ERCC5: variants seen among roughly 807,000 people sequenced by gnomAD.
ERCC5 encodes ERCC excision repair 5, endonuclease.
ERCC5 carries 68 observed loss-of-function variants against 105.6 expected under a neutral mutation model. The ratio of observed to expected loss-of-function variants is 0.64; its 90% CI spans 0.53 to 0.79. The LOEUF (loss-of-function observed/expected upper bound fraction) is 0.79, where lower values mean the gene tolerates loss of function less well. Among genes scored for constraint, ERCC5 ranks in the 30% least tolerant of loss-of-function variants. ERCC5 has a pLI of 0.00. For synonymous variants in ERCC5, 546 were observed against 526.2 expected (o/e 1.04, Z -0.51); for missense variants, 1,373 against 1,426.7 (o/e 0.96, Z 0.61).
intron 1 of ERCC5, among the ~76,000 whole-genome samples, chr13:102,850,000 G>A (rs184414547): frequency 1.8e-4 from 28 of 151,390 alleles, no homozygotes; most frequent in African/African-American, 6.8e-4. Context: ...CGAGTGCAGT[G>A]GCGTGATCTT....
chr13:102,852,013 A>T, intron 1 of ERCC5, 105 bp from the exon 2 acceptor site: 1 of 1,262,078 alleles, frequency 7.9e-7, no homozygotes, highest in South Asian at 1.3e-5. Context: ...GAATAGTGAT[A>T]AGTATTTAGT....
Position 102,875,726 on chromosome 13 carries a change from T to C in ERCC5, c.3384T>C (p.Asp1128=). 6.2e-7 allele frequency: 1 copy of C among 1,614,134 alleles called. No individual in the cohort carries two copies. Among genetic ancestry groups the C allele is most frequent in the Non-Finnish European group, 8.5e-7 (1 of 1,180,024 alleles). ...AAKEPKTSAS[D]SQNSVKEAPV... is the part of the protein sequence containing the mutation. Reference sequence around the variant, plus strand: ...AAGAGCCAAAAACCAGTGCTTCAGATTCGCAGAACTCAGTGAAGGAAGCTC... The same window carrying C: ...AAGAGCCAAAAACCAGTGCTTCAGACTCGCAGAACTCAGTGAAGGAAGCTC... Residue 1128 remains aspartate (D), a synonymous_variant, in exon 15 of 15, where the codon GAT becomes GAC. Transcript: ENST00000652225.
At chr13:102,849,013 A>G (rs1882089770) in intron 1 of ERCC5, 1 of 401,090 alleles carries the variant, frequency 2.5e-6, no homozygotes, top group African/African-American at 2.1e-5. Flanking sequence ...GATGAGAGCC[A>G]CTGATCTGAA....
chr13:102,862,732 C>G lies in ERCC5; in HGVS notation c.1583C>G (p.Thr528Ser), dbSNP rs761577345. Reference protein sequence around the residue: ...NGRELTPASPTCTNSVSKNET... With the variant: ...NGRELTPASPSCTNSVSKNET... Reference sequence around the variant, plus strand: ...AGGGAACTGACACCGGCATCTCCAACTTGTACAAATTCTGTGTCAAAGAAT... The same window carrying G: ...AGGGAACTGACACCGGCATCTCCAAGTTGTACAAATTCTGTGTCAAAGAAT... Residue 528 changes from threonine to serine, a missense_variant, in exon 8 of 15, where the codon ACT (threonine) becomes AGT (serine). This residue lies in a region of ERCC5 where 1,004 missense variants were observed against 1,059.7 expected (regional missense o/e 0.95). Transcript: ENST00000652225. 4 of 1,614,114 alleles carry G rather than the reference C, an allele frequency of 2.5e-6. No homozygotes were observed. Among genetic ancestry groups the G allele is most frequent in the Non-Finnish European group, 3.4e-6 (4 of 1,180,044 alleles).
In ERCC5 at chr13:102,875,700, A is replaced by C. The variant is rs762226230; in HGVS notation, c.3358A>C (p.Lys1120Gln). 1 of 1,614,222 alleles carries C rather than the reference A, an allele frequency of 6.2e-7. No homozygotes were observed. The highest frequency in any genetic ancestry group is 8.5e-7 in the Non-Finnish European group (1 of 1,180,032). The change falls in exon 15 of 15, where the codon AAA (lysine) becomes CAA (glutamine). Residue 1120 changes from lysine (K) to glutamine (Q), a missense_variant. By Grantham distance (53) the Lys-to-Gln change is moderately conservative (BLOSUM62 1). Coordinates refer to ENST00000652225, the MANE Select transcript of ERCC5 (RefSeq NM_000123.4). ...GAATGTACAAAGGAGAACAGCTGCGAAAGAGCCAAAAACCAGTGCTTCAGA... is the reference window on the plus strand; with the variant it reads ...GAATGTACAAAGGAGAACAGCTGCGCAAGAGCCAAAAACCAGTGCTTCAGA... Reference protein sequence around the residue: ...LMNVQRRTAAKEPKTSASDSQ... With the variant: ...LMNVQRRTAAQEPKTSASDSQ...
At chr13:102,863,170 C>T (rs945899226) in intron 8 of ERCC5, 67 bp downstream of exon 8, 21 of 1,548,554 alleles carry the variant, frequency 1.4e-5, no homozygotes, top group Admixed American at 5.3e-5. Flanking sequence ...ATTCAGAGAT[C>T]GGTTAGTGTA....
At chr13:102,863,977 A>G (rs545270368) in intron 8 of ERCC5, among the ~76,000 whole-genome samples, 2 of 152,258 alleles carry the variant, frequency 1.3e-5, no homozygotes, top group South Asian at 2.1e-4. Flanking sequence ...GATTTAAGAT[A>G]ATATATATGA....
intron 14 of ERCC5, 145 bp downstream of exon 14, chr13:102,873,488 TAGAAAA>T (rs1883099448): frequency 2.1e-6 from 2 of 951,920 alleles, no homozygotes; most frequent in Non-Finnish European, 3.2e-6. Flanking sequence ...TAGAAGAAAA[TAGAAAA>T]AGAAAAGTTA....
rs935025421 is a variant in ERCC5, at chr13:102,846,246, C to T, written c.-21C>T. The T allele has an allele frequency of 1.6e-5, 25 of 1,606,748 alleles. No homozygotes were observed. Among genetic ancestry groups the T allele is most frequent in the Non-Finnish European group, 2.1e-5 (25 of 1,175,286 alleles). ...TTAGAGTAGAAGTTGTCGGGGTCCG[C>T]TCTTAGGACGCAGCCGCCTCATGGG... On this transcript the variant is annotated 5_prime_UTR_variant, in exon 1 of 15. Transcript: ENST00000652225.
intron 5 of ERCC5, among the ~76,000 whole-genome samples, chr13:102,857,914 C>T (rs1168401123): frequency 2.0e-5 from 3 of 151,972 alleles, no homozygotes; most frequent in Non-Finnish European, 2.9e-5. Flanking sequence ...TTTATTTTAC[C>T]ATTATCTTGT....
At chr13:102,849,233 T>C (rs1313808676) in intron 1 of ERCC5, 1 of 518,714 alleles carries the variant, frequency 1.9e-6, no homozygotes, top group Non-Finnish European at 3.8e-6. Flanking sequence ...TCTCCACCAC[T>C]ACTGTCTGCG....
At chr13:102,848,323 C>G (rs925866695) in intron 1 of ERCC5, among the ~76,000 whole-genome samples, 1 of 152,110 alleles carries the variant, frequency 6.6e-6, no homozygotes, top group Admixed American at 6.5e-5. Flanking sequence ...GACAAACTTA[C>G]CCGTTATTAT....
chr13:102,846,435 G>A, intron 1 of ERCC5, 81 bp downstream of exon 1: 2 of 1,206,764 alleles, frequency 1.7e-6, no homozygotes, highest in Non-Finnish European at 2.4e-6. Context: ...TGGGCACAGT[G>A]GCATCTGCAG....
rs1338259523 is a variant in ERCC5, at chr13:102,862,956, G to A, written c.1807G>A (p.Val603Met). The change falls in exon 8 of 15, where the codon GTG (valine) becomes ATG (methionine). Residue 603 changes from valine (V) to methionine (M), a missense_variant. Val to Met is a conservative substitution (Grantham distance 21, BLOSUM62 1). Transcript: ENST00000652225. ...PSEAVDNVEN[V>M]VSFNAKEHEN... ...AGAGGCAGTAGATAATGTGGAAAAT[G>A]TGGTGTCATTTAATGCTAAAGAGCA... The A allele has an allele frequency of 5.0e-6, 8 of 1,614,094 alleles. No individual in the cohort carries two copies. Among genetic ancestry groups the A allele is most frequent in the African/African-American group, 1.3e-5 (1 of 74,920 alleles).
chr13:102,856,002 A>C (rs774605130), intron 4 of ERCC5, 50 bp from the exon 5 acceptor site: 22 of 1,581,572 alleles, frequency 1.4e-5, no homozygotes, highest in Non-Finnish European at 1.8e-5. Context: ...GTATTTTTGT[A>C]AGGGGTCCTT....
Position 102,865,014 on chromosome 13 carries a change from C to G in ERCC5, c.1955-653C>G, listed in dbSNP as rs1882785232. 1 of 153,948 alleles carries G rather than the reference C, an allele frequency of 6.5e-6. No individual in the cohort carries two copies. Among genetic ancestry groups the G allele is most frequent in the African/African-American group, 2.4e-5 (1 of 41,412 alleles). The allele number at this position is 153,948 out of a possible 1,614,324, so 9.5% of individuals were successfully genotyped here. A position where few individuals can be genotyped will look rare whatever the true frequency, so the allele number is the denominator to read the frequency against. ...TTCTCCCTGGATATGTAACCATCTC[C>G]CCCTCCCACTGGCCTCCTCCTTGGC... On this transcript the variant is annotated intron_variant, in intron 8 of 14. Transcript: ENST00000652225. The surrounding 1 kb of genome is among the most constrained non-coding windows in gnomAD (Gnocchi z 4.0).
At chr13:102,855,553 G>T (rs150797816) in intron 4 of ERCC5, among the ~76,000 whole-genome samples, 114 of 152,260 alleles carry the variant, frequency 7.5e-4, no homozygotes, top group African/African-American at 2.7e-3. Flanking sequence ...ACGCAGCTTA[G>T]CTTCTCATTT....
intron 12 of ERCC5, among the ~76,000 whole-genome samples, chr13:102,869,063 G>A (rs1882944183): frequency 6.6e-6 from 1 of 152,126 alleles, no homozygotes; most frequent in Non-Finnish European, 1.5e-5. Flanking sequence ...GTTTGGTGGT[G>A]GCTGATTTAA....
intron 12 of ERCC5, among the ~76,000 whole-genome samples, chr13:102,871,793 G>T (rs1489483075): frequency 1.3e-5 from 2 of 152,094 alleles, no homozygotes; most frequent in East Asian, 3.9e-4. Flanking sequence ...CCATTTTACT[G>T]CTGAGAAAGA....
Sources: gnomAD v4.1 joint callset for allele counts (sites outside exome capture counted in the v4.1 genomes callset) on GRCh38, gnomAD v4.1.1 for gene constraint, gnomAD v4.1.1 regional missense constraint, Gnocchi (gnomAD v3.1) non-coding constraint, MANE v1.5 for transcripts, NCBI Gene and HGNC (gene_info 2026-07-23, HGNC 2026-07-21) for gene names.